Variants in DMRT1 observed in about 807,000 individuals in gnomAD.
DMRT1 encodes doublesex- and mab-3-related transcription factor 1.
In DMRT1, 7 loss-of-function variants were observed where a neutral mutation model predicts 32.3. The ratio of observed to expected loss-of-function variants is 0.22; its 90% confidence interval spans 0.12 to 0.41. The LOEUF (loss-of-function observed/expected upper bound fraction) is 0.41, where lower values mean the gene tolerates loss of function less well. Ranked by LOEUF, DMRT1 falls within the 10% of genes least tolerant of loss-of-function variation. The pLI, the probability that DMRT1 is intolerant of heterozygous loss-of-function variation, is 1.00. For missense variants in DMRT1, 625 were observed against 500.5 expected, an observed-to-expected ratio of 1.25 and a Z score of -2.37; for synonymous variants, 278 against 206.1, an observed-to-expected ratio of 1.35 and a Z score of -2.99.
At chr9:941,054 A>T (rs1819049349) in intron 4 of DMRT1, among the ~76,000 whole-genome samples, 1 of 152,234 alleles carries the variant, frequency 6.6e-6, no homozygotes, top group Non-Finnish European at 1.5e-5. Context: ...ATGTGGAATA[A>T]TTGGGACCCT....
chr9:858,512 CTT>C (rs1271832723), intron 2 of DMRT1, among the ~76,000 whole-genome samples: 1 of 148,896 alleles, frequency 6.7e-6, no homozygotes. Flanking sequence ...TTTTTGTCCT[CTT>C]TTTATATTAA....
At chr9:854,065 G>C (rs1043332118) in intron 2 of DMRT1, among the ~76,000 whole-genome samples, 1 of 150,554 alleles carries the variant, frequency 6.6e-6, no homozygotes, top group African/African-American at 2.4e-5. Flanking sequence ...TCCTGCTTCA[G>C]CTCCCAAAGT....
At chr9:941,483 T>G (rs1378322730) in intron 4 of DMRT1, among the ~76,000 whole-genome samples, 1 of 151,956 alleles carries the variant, frequency 6.6e-6, no homozygotes, top group Non-Finnish European at 1.5e-5. Flanking sequence ...GTACTTAGAG[T>G]AGTCAAAACA....
chr9:958,466 A>T (rs1159594086), intron 4 of DMRT1, among the ~76,000 whole-genome samples: 1 of 152,146 alleles, frequency 6.6e-6, no homozygotes, highest in African/African-American at 2.4e-5. Context: ...TCCTGGCTTC[A>T]AGTGATTCTC....
At chr9:925,169 G>C (rs1818480809) in intron 4 of DMRT1, among the ~76,000 whole-genome samples, 1 of 152,084 alleles carries the variant, frequency 6.6e-6, no homozygotes, top group South Asian at 2.1e-4. Context: ...ACTCCTCCAG[G>C]TGCCTGGCAT....
At chr9:871,950 T>C (rs912471256) in intron 2 of DMRT1, among the ~76,000 whole-genome samples, 1 of 151,540 alleles carries the variant, frequency 6.6e-6, no homozygotes, top group African/African-American at 2.4e-5. Flanking sequence ...CATCTCTCTA[T>C]ATACCTATTT....
intron 4 of DMRT1, among the ~76,000 whole-genome samples, chr9:925,618 T>C (rs1173131201): frequency 2.0e-5 from 3 of 152,226 alleles, no homozygotes; most frequent in African/African-American, 7.2e-5. Flanking sequence ...CTGGGCGCTC[T>C]TTCTTCTAGT....
At chr9:851,300 G>A (rs1839141867) in intron 2 of DMRT1, among the ~76,000 whole-genome samples, 1 of 151,984 alleles carries the variant, frequency 6.6e-6, no homozygotes, top group East Asian at 1.9e-4. Flanking sequence ...GTGCAGTGGT[G>A]CAATCTTGGC....
At chr9:892,484 C>A (rs1817190038) in intron 2 of DMRT1, among the ~76,000 whole-genome samples, 2 of 152,154 alleles carry the variant, frequency 1.3e-5, no homozygotes, top group Admixed American at 1.3e-4. Context: ...ATCTTAATTC[C>A]TGGCAGCCCC....
At chr9:934,586 A>AT (rs1564261593) in intron 4 of DMRT1, among the ~76,000 whole-genome samples, 1 of 152,184 alleles carries the variant, frequency 6.6e-6, no homozygotes, top group African/African-American at 2.4e-5. Context: ...AATCTGTGTC[A>AT]TATTGTCTTC....
rs1817257214 is a variant in DMRT1 at position 894,102 on chromosome 9, G to A, written c.729G>A (p.Glu243=). 6.2e-7 allele frequency: 1 copy of A among 1,614,218 alleles called. No homozygotes were observed. Among genetic ancestry groups the A allele is most frequent in the Non-Finnish European group, 8.5e-7 (1 of 1,180,028 alleles). The change falls in exon 3 of 5, where the codon GAG becomes GAA. Residue 243 remains glutamate, a synonymous_variant. Coordinates refer to ENST00000382276, the MANE Select transcript of DMRT1 (RefSeq NM_021951.3). Reference sequence around the variant, plus strand: ...TGGCTGCTGATTCTGCTTCTGGGGAGGTGGGAAATCCCCTCGGGGGATCCC... The same window carrying A: ...TGGCTGCTGATTCTGCTTCTGGGGAAGTGGGAAATCCCCTCGGGGGATCCC... ...MALAADSASG[E]VGNPLGGSPV... is the part of the protein sequence containing the mutation.
intron 2 of DMRT1, among the ~76,000 whole-genome samples, chr9:862,868 A>G (rs1815782841): frequency 6.6e-6 from 1 of 152,110 alleles, no homozygotes; most frequent in South Asian, 2.1e-4. Flanking sequence ...GGCCTCCCAA[A>G]AGATGCCTGT....
At chr9:858,606 G>T (rs186771135) in intron 2 of DMRT1, among the ~76,000 whole-genome samples, 32 of 152,128 alleles carry the variant, frequency 2.1e-4, no homozygotes, top group African/African-American at 5.1e-4. Flanking sequence ...GGGCGCAGTG[G>T]CTCACGCCTG....
At position 935,453 on chromosome 9, in the gene DMRT1, G is replaced by C. The variant is rs75730606; in HGVS notation, c.967+18546G>C. On this transcript the variant is annotated intron_variant, in intron 4 of 4. Transcript: ENST00000382276. ...GTTGAGAGAGTGTAATTGCCGGAGG[G>C]GACAGTTAAGTGGCTCTGCTCCTTG... is the stretch of plus-strand genomic sequence containing the variant. 2.8e-3 allele frequency among the ~76,000 whole-genome samples: 425 copies of C among 152,296 alleles called. 6 individuals carry two copies. Among genetic ancestry groups the C allele is most frequent in the Admixed American group, 0.022 (335 of 15,294 alleles).
chr9:893,445 C>T (rs1000677784), intron 2 of DMRT1, among the ~76,000 whole-genome samples: 8 of 152,252 alleles, frequency 5.3e-5, no homozygotes, highest in Non-Finnish European at 4.4e-5. Flanking sequence ...TCTGAAGATA[C>T]CTGATCACCT....
At chr9:869,399 G>C (rs550799697) in intron 2 of DMRT1, among the ~76,000 whole-genome samples, 2 of 152,138 alleles carry the variant, frequency 1.3e-5, no homozygotes, top group Non-Finnish European at 2.9e-5. Flanking sequence ...AGTTCTCCTA[G>C]CTGTTCTCCG....
chr9:913,340 A>G (rs1016097853), intron 3 of DMRT1, among the ~76,000 whole-genome samples: 7 of 152,156 alleles, frequency 4.6e-5, no homozygotes, highest in African/African-American at 1.4e-4. Context: ...CTTGCTTCTA[A>G]TTCAGTGTTC....
chr9:924,149 G>A (rs1324374456), intron 4 of DMRT1, among the ~76,000 whole-genome samples: 1 of 149,036 alleles, frequency 6.7e-6, no homozygotes, highest in Admixed American at 6.8e-5. Flanking sequence ...TCGGCTGACT[G>A]CAACCTCTGC....
intron 4 of DMRT1, among the ~76,000 whole-genome samples, chr9:942,944 A>G (rs1050351265): frequency 2.6e-5 from 4 of 152,186 alleles, no homozygotes; most frequent in African/African-American, 9.7e-5. Context: ...ATCGCAGAGC[A>G]GGAATTCAAA....
Sources: allele counts gnomAD v4.1 joint callset (sites outside exome capture counted in the v4.1 genomes callset), GRCh38; gene constraint gnomAD v4.1.1; transcripts MANE v1.5; gene names NCBI Gene and HGNC (gene_info 2026-07-23, HGNC 2026-07-21).